The following PLCH1 variants were observed in gnomAD, a reference collection of about 807,000 sequenced individuals.
The protein encoded by PLCH1 is phospholipase C eta 1.
In PLCH1, 60 loss-of-function variants were observed where a neutral mutation model predicts 126.7. The ratio of observed to expected loss-of-function variants is 0.47; its 90% CI spans 0.38 to 0.59. PLCH1 has a LOEUF of 0.59. PLCH1 is among the 20% of genes least tolerant of loss of function. The pLI is 0.00. For missense variants in PLCH1, 1,723 were observed against 2,040.0 expected (o/e 0.84, Z 2.99); for synonymous variants, 719 against 734.9 (o/e 0.98, Z 0.35).
At chr3:155,681,887 T>C (rs559908731) in intron 2 of PLCH1, among the ~76,000 whole-genome samples, 1 of 152,306 alleles carries the variant, frequency 6.6e-6, no homozygotes, top group African/African-American at 2.4e-5. Context: ...TGAGGCATTG[T>C]CCTGTCTGAA....
At chr3:155,483,353 A>C in intron 22 of PLCH1, 2 of 1,541,846 alleles carry the variant, frequency 1.3e-6, no homozygotes, top group Non-Finnish European at 1.8e-6. Context: ...GATTACCTTA[A>C]GTTGTTTCCT....
intron 2 of PLCH1, among the ~76,000 whole-genome samples, chr3:155,655,124 T>G (rs1741199218): frequency 6.6e-6 from 1 of 152,168 alleles, no homozygotes; most frequent in African/African-American, 2.4e-5. Flanking sequence ...ATAAAGGTCT[T>G]CTTGGATTCT....
chr3:155,694,951 G>C (rs1170510473), intron 2 of PLCH1, among the ~76,000 whole-genome samples: 1 of 82,814 alleles, frequency 1.2e-5, no homozygotes, highest in Non-Finnish European at 2.3e-5. Flanking sequence ...GAAAGCTAGT[G>C]CTTTTTTTTT....
chr3:155,494,201 C>T lies in PLCH1; in HGVS notation c.2122G>A (p.Ala708Thr). 3 of 1,614,090 alleles carry T rather than the reference C, an allele frequency of 1.9e-6. No homozygotes were observed. Among genetic ancestry groups the T allele is most frequent in the Non-Finnish European group, 2.5e-6 (3 of 1,180,018 alleles). Reference protein sequence around the residue: ...SEGRMMQLNRAKFKANGNCGY... With the variant: ...SEGRMMQLNRTKFKANGNCGY... ...CAATTGCCATTTGCCTTGAATTTGG[C>T]TCGGTTTAACTGCATCATTCGTCCT... The change falls in exon 17 of 23, where the codon GCC becomes ACC. Residue 708 changes from alanine (A) to threonine (T), a missense_variant. Around this residue, in one of 2 missense-constraint regions of PLCH1, gnomAD observed 776 missense variants for 1,062.9 expected, o/e 0.73. Coordinates refer to ENST00000460012, the MANE Select transcript of PLCH1 (RefSeq NM_014996.4).
chr3:155,680,483 C>T (rs1744424716), intron 2 of PLCH1, among the ~76,000 whole-genome samples: 1 of 152,144 alleles, frequency 6.6e-6, no homozygotes, highest in Non-Finnish European at 1.5e-5. Context: ...GTATAGGGTG[C>T]AGCTTCGCCA....
At chr3:155,560,971 T>C (rs752057814) in intron 8 of PLCH1, among the ~76,000 whole-genome samples, 7 of 152,148 alleles carry the variant, frequency 4.6e-5, no homozygotes, top group Non-Finnish European at 1.0e-4. Context: ...TCACAGAAGA[T>C]TTAGATATAA....
chr3:155,461,337 G>A (rs1401846976), intron 21 of PLCH1, among the ~76,000 whole-genome samples: 2 of 152,078 alleles, frequency 1.3e-5, no homozygotes, highest in Non-Finnish European at 2.9e-5. Flanking sequence ...GAGCATGCAG[G>A]GACATATCCT....
chr3:155,456,620 A>C (rs975393077), intron 21 of PLCH1: 2 of 152,262 alleles, frequency 1.3e-5, no homozygotes, highest in African/African-American at 4.8e-5. Context: ...GGGAATCTCA[A>C]ATTAACATAC....
intron 10 of PLCH1, among the ~76,000 whole-genome samples, chr3:155,545,369 C>T (rs889704142): frequency 6.6e-6 from 1 of 151,440 alleles, no homozygotes; most frequent in African/African-American, 2.4e-5. Context: ...AGACCAATAA[C>T]AGGCTCTGAA....
At chr3:155,689,471 T>C (rs1745208765) in intron 2 of PLCH1, among the ~76,000 whole-genome samples, 1 of 152,032 alleles carries the variant, frequency 6.6e-6, no homozygotes, top group Admixed American at 6.5e-5. Context: ...AACAGAGATA[T>C]ATGACCTTTC....
chr3:155,664,975 C>A (rs1048770623), intron 2 of PLCH1, among the ~76,000 whole-genome samples: 2 of 152,096 alleles, frequency 1.3e-5, no homozygotes, highest in Admixed American at 1.3e-4. Context: ...GCACACAGAC[C>A]GACTGCATTT....
chr3:155,547,833 T>C (rs2108437996), intron 10 of PLCH1, among the ~76,000 whole-genome samples: 1 of 134,798 alleles, frequency 7.4e-6, no homozygotes, highest in South Asian at 2.3e-4. Flanking sequence ...AGGTGGGAAT[T>C]GAACAACGAG....
chr3:155,577,879 C>T (rs1464520382), intron 6 of PLCH1, among the ~76,000 whole-genome samples: 1 of 152,170 alleles, frequency 6.6e-6, no homozygotes, highest in Non-Finnish European at 1.5e-5. Flanking sequence ...ACTTTAATTC[C>T]TCACATTGCC....
rs532061711 is a variant in PLCH1 at position 155,482,363 on chromosome 3, C to A, written c.3663G>T (p.Leu1221Phe). The A allele has an allele frequency of 1.9e-6, 3 of 1,613,998 alleles. No homozygotes were observed. In the Admixed American group the frequency reaches 5.0e-5, roughly 27 times the overall value. The change falls in exon 23 of 23, where the codon TTG becomes TTT. Residue 1221 changes from leucine (L) to phenylalanine (F), a missense_variant. Leu to Phe is a conservative substitution (Grantham distance 22). Around this residue, in one of 2 missense-constraint regions of PLCH1, gnomAD observed 947 missense variants for 977.1 expected, o/e 0.97. Transcript: ENST00000460012. Reference protein sequence around the residue: ...NTSVMSGHCPLPSLGLKMPIK... With the variant: ...NTSVMSGHCPFPSLGLKMPIK... Reference sequence around the variant, plus strand: ...TGGGCATTTTTAGGCCCAGGCTAGGCAAGGGACAATGGCCTGACATCACAC... The same window carrying A: ...TGGGCATTTTTAGGCCCAGGCTAGGAAAGGGACAATGGCCTGACATCACAC...
intron 4 of PLCH1, among the ~76,000 whole-genome samples, chr3:155,587,208 A>T (rs1731489446): frequency 6.6e-6 from 1 of 152,170 alleles, no homozygotes; most frequent in Admixed American, 6.5e-5. Context: ...CTGTTTAAGA[A>T]TCTCTTTATG....
In PLCH1 at chr3:155,581,833, G is replaced by A. The variant is rs556871736; in HGVS notation, c.771+1639C>T. Reference sequence around the variant, plus strand: ...GCTATCTCGGCTCACCACAACCTCCGCCTCTTGGGTTCGTTCAAGCATTCT... The same window carrying A: ...GCTATCTCGGCTCACCACAACCTCCACCTCTTGGGTTCGTTCAAGCATTCT... On this transcript the variant is annotated intron_variant, in intron 6 of 22. Coordinates refer to ENST00000460012, the MANE Select transcript of PLCH1 (RefSeq NM_014996.4). 1.8e-4 allele frequency among the ~76,000 whole-genome samples: 26 copies of A among 147,824 alleles called. 1 individual carries two copies. Among genetic ancestry groups the A allele is most frequent in the African/African-American group, 4.5e-4 (18 of 40,250 alleles).
chr3:155,480,799 T>C lies in PLCH1; in HGVS notation c.*169A>G. 1.6e-6 allele frequency: 1 copy of C among 610,114 alleles called. No individual in the cohort carries two copies. The highest frequency in any genetic ancestry group is 2.1e-5 in the South Asian group (1 of 46,952). The allele number at this position is 610,114 out of a possible 1,614,324, so 37.8% of individuals were successfully genotyped here. ...TAGGTACATGGGAAATGTCACCAAA[T>C]CTATATACAAACGCATTAACAGGGA... On this transcript the variant is annotated 3_prime_UTR_variant, in exon 23 of 23. Transcript: ENST00000460012.
chr3:155,555,941 G>A (rs957173735), intron 8 of PLCH1, among the ~76,000 whole-genome samples: 3 of 152,118 alleles, frequency 2.0e-5, no homozygotes, highest in African/African-American at 4.8e-5. Flanking sequence ...ACTACTTACT[G>A]TTAATCATTA....
intron 4 of PLCH1, among the ~76,000 whole-genome samples, chr3:155,593,111 G>A (rs1291862613): frequency 3.3e-5 from 5 of 152,022 alleles, no homozygotes; most frequent in Non-Finnish European, 7.4e-5. Context: ...TGACGGCAAG[G>A]GAGTAGCGCT....
Sources: gnomAD v4.1 joint callset for allele counts (sites outside exome capture counted in the v4.1 genomes callset) on GRCh38, gnomAD v4.1.1 for gene constraint, gnomAD v4.1.1 regional missense constraint, MANE v1.5 for transcripts, NCBI Gene and HGNC (gene_info 2026-07-23, HGNC 2026-07-21) for gene names.